The following RPS29 variants were observed in gnomAD, a reference collection of about 807,000 sequenced individuals.
RPS29 encodes ribosomal protein S29, also known as small ribosomal subunit protein uS14.
For synonymous variants in RPS29, 37 were observed against 26.9 expected (o/e 1.37, Z -1.16); for missense variants, 60 against 75.7 (o/e 0.79, Z 0.77).
At chr14:49,571,344 G>A (rs1459583474) in exon 3 of RPS29, 2 of 152,192 alleles carry the variant, frequency 1.3e-5, no homozygotes, top group African/African-American at 4.8e-5. Flanking sequence ...TGCACAGTAT[G>A]TTTTCACATG....
downstream of RPS29, among the ~76,000 whole-genome samples, chr14:49,578,900 A>G (rs1039865815): frequency 6.6e-6 from 1 of 152,150 alleles, no homozygotes; most frequent in Non-Finnish European, 1.5e-5. Flanking sequence ...TAGTGGTAAG[A>G]GCAGTTTTCA....
intron 2 of RPS29, 156 bp downstream of exon 2, chr14:49,585,794 G>A: frequency 1.6e-6 from 1 of 617,248 alleles, no homozygotes; most frequent in Non-Finnish European, 2.9e-6. Flanking sequence ...CATCAACACT[G>A]TCACCAGCTA....
In RPS29 at chr14:49,583,602, T is replaced by A; in HGVS notation, c.*65A>T. ...GGTTTTTTCAAATGTTTATTTTATATACAAAGAATTATCATGGTTTTTCAT... is the reference window on the plus strand; with the variant it reads ...GGTTTTTTCAAATGTTTATTTTATAAACAAAGAATTATCATGGTTTTTCAT... On this transcript the variant is annotated 3_prime_UTR_variant, in exon 3 of 3. Transcript: ENST00000245458. The A allele has an allele frequency of 1.3e-6, 2 of 1,554,558 alleles. No homozygotes were observed. The highest frequency in any genetic ancestry group is 2.4e-5 in the South Asian group (2 of 83,420).
chr14:49,585,881 T>G, intron 2 of RPS29, 69 bp downstream of exon 2: 1 of 1,225,538 alleles, frequency 8.2e-7, no homozygotes, highest in South Asian at 1.2e-5. Flanking sequence ...CCGTTTGTCT[T>G]TCGCGGAAAA....
intron 1 of RPS29, chr14:49,597,383 A>G (rs911152213): frequency 3.3e-5 from 5 of 151,922 alleles, no homozygotes; most frequent in South Asian, 2.1e-4. Context: ...AATGAAAATT[A>G]TAACAGTTTT....
upstream of RPS29, among the ~76,000 whole-genome samples, chr14:49,590,484 A>G (rs928236716): frequency 2.0e-5 from 3 of 152,130 alleles, no homozygotes; most frequent in South Asian, 4.1e-4. Flanking sequence ...TCAAAAAAAA[A>G]CAAAAAACAA....
At chr14:49,574,204 TG>T (rs1177912244) in exon 3 of RPS29, 4 of 152,212 alleles carry the variant, frequency 2.6e-5, no homozygotes, top group African/African-American at 9.7e-5. Flanking sequence ...TGTTAATGCT[TG>T]ATGTTTGGCA....
chr14:49,598,281 G>A, intron 1 of RPS29: 1 of 597,336 alleles, frequency 1.7e-6, no homozygotes, highest in Middle Eastern at 2.6e-4. Context: ...CCACTCCCCA[G>A]CCGGGCCCCG....
exon 3 of RPS29, chr14:49,577,727 TG>T: frequency 9.7e-7 from 1 of 1,033,514 alleles, no homozygotes; most frequent in Non-Finnish European, 1.5e-6. Context: ...TCAGTCTGAC[TG>T]GTTCCCAGTG....
chr14:49,587,364 A>G (rs1266058425), upstream of RPS29, among the ~76,000 whole-genome samples: 1 of 152,254 alleles, frequency 6.6e-6, no homozygotes, highest in Non-Finnish European at 1.5e-5. Context: ...AAAGATACCT[A>G]CATTCCATAT....
At chr14:49,580,395 A>C (rs998885690), downstream of RPS29, among the ~76,000 whole-genome samples, 1 of 152,128 alleles carries the variant, frequency 6.6e-6, no homozygotes, top group African/African-American at 2.4e-5. Flanking sequence ...CCCAGACTGA[A>C]ACCTGGCTCT....
upstream of RPS29, among the ~76,000 whole-genome samples, chr14:49,588,195 T>C (rs1881631498): frequency 6.6e-6 from 1 of 152,214 alleles, no homozygotes; most frequent in Non-Finnish European, 1.5e-5. Flanking sequence ...ATATTTTTAG[T>C]ACTCTGATAT....
chr14:49,581,433 C>T (rs927046405), downstream of RPS29, among the ~76,000 whole-genome samples: 3 of 152,138 alleles, frequency 2.0e-5, no homozygotes, highest in Admixed American at 6.5e-5. Flanking sequence ...ACTTTCTATT[C>T]TTCCCAAACC....
In RPS29 at chr14:49,583,693, G is replaced by T; in HGVS notation, c.163-18C>A. The T allele has an allele frequency of 1.5e-6, 2 of 1,367,554 alleles. No homozygotes were observed. Among genetic ancestry groups the T allele is most frequent in the Non-Finnish European group, 2.1e-6 (2 of 968,520 alleles). 84.7% of individuals were successfully genotyped at this position (1,367,554 alleles called of 1,614,324 possible). A position where few individuals can be genotyped will look rare whatever the true frequency, so the allele number is the denominator to read the frequency against. ...TAGTCCAACTGAAAAAAAAAAAGCA[G>T]ATGATTTATTTCAAAATGCTTTAAA... is the stretch of plus-strand genomic sequence containing the variant. On this transcript the variant is annotated intron_variant, in intron 2 of 2. Transcript: ENST00000245458.
upstream of RPS29, chr14:49,586,672 G>GC (rs1881578092): frequency 3.0e-6 from 1 of 337,404 alleles, no homozygotes; most frequent in African/African-American, 2.1e-5. Flanking sequence ...GCTGTAGTGC[G>GC]CTATGCCGAT....
downstream of RPS29, among the ~76,000 whole-genome samples, chr14:49,582,883 A>C (rs576189328): frequency 2.0e-5 from 3 of 152,322 alleles, no homozygotes; most frequent in South Asian, 6.2e-4. Flanking sequence ...ACTGAGTCCA[A>C]CTTGTACAAC....
In RPS29 at chr14:49,577,849, T is replaced by C. The variant is rs1226849282; in HGVS notation, c.167A>G (p.Asp56Gly). 3.8e-6 allele frequency: 6 copies of C among 1,590,304 alleles called. No individual in the cohort carries two copies. In the African/African-American group the frequency reaches 8.1e-5, roughly 21 times the overall value. The change falls in exon 3 of 3, where the codon GAC (aspartate) becomes GGC (glycine). Residue 56 changes from aspartate (D) to glycine (G), a missense_variant. Asp to Gly is a moderately conservative substitution (Grantham distance 94). Coordinates refer to the RPS29 transcript ENST00000396020. The stretch of plus-strand genomic sequence containing the variant: ...GCAGTGCCAAGGAAGACAGCTCAGG[T>C]CTTTCTGTAATGGTAAAAGAGGACC...
intron 1 of RPS29, 113 bp from the exon 2 acceptor site, chr14:49,586,162 G>A: frequency 1.4e-6 from 2 of 1,379,982 alleles, no homozygotes; most frequent in African/African-American, 2.8e-5. Flanking sequence ...GCCTGTAATG[G>A]CGGCACCAGC....
At chr14:49,577,450 TG>T (rs1437402168) in exon 3 of RPS29, 1 of 409,892 alleles carries the variant, frequency 2.4e-6, no homozygotes, top group Non-Finnish European at 4.6e-6. Flanking sequence ...GATGACCACC[TG>T]GGCTGCTCTT....
Sources: allele counts gnomAD v4.1 joint callset (sites outside exome capture counted in the v4.1 genomes callset), GRCh38; gene constraint gnomAD v4.1.1; transcripts MANE v1.5; gene names NCBI Gene and HGNC (gene_info 2026-07-23, HGNC 2026-07-21).